CLIP4: variants seen among roughly 807,000 people sequenced by gnomAD.
CLIP4 encodes CAP-Gly domain containing linker protein family member 4.
In CLIP4, 47 loss-of-function variants were observed where a neutral mutation model predicts 73.1. That is an observed-to-expected ratio of 0.64 (90% CI 0.51 to 0.82). CLIP4 has a LOEUF of 0.82. CLIP4 is among the 40% of genes least tolerant of loss of function. The pLI is 0.00. For missense variants in CLIP4, 874 were observed against 852.9 expected, an observed-to-expected ratio of 1.02 and a Z score of -0.31; for synonymous variants, 306 against 295.4, an observed-to-expected ratio of 1.04 and a Z score of -0.37.
Position 29,133,816 on chromosome 2 carries a change from G to T in CLIP4, c.529G>T (p.Asp177Tyr). Residue 177 changes from aspartate to tyrosine, a missense_variant and splice_region_variant, in exon 5 of 16, where the codon GAT becomes TAT. Coordinates refer to ENST00000320081, the MANE Select transcript of CLIP4 (RefSeq NM_024692.6). ...GATTTTGAAAACATCGAAACCAAAA[G>T]GCAAGTATTATAAGATCACCTTTAG... is the stretch of plus-strand genomic sequence containing the variant. ...RVILKTSKPK[D>Y]VDATCSDFNF... 1 of 1,599,814 alleles carries T rather than the reference G, an allele frequency of 6.3e-7. No individual in the cohort carries two copies.
intron 13 of CLIP4, among the ~76,000 whole-genome samples, chr2:29,165,972 CTTCA>C (rs894508588): frequency 1.3e-4 from 11 of 87,620 alleles, no homozygotes; most frequent in African/African-American, 4.4e-4. Context: ...GCCCCCTCTT[CTTCA>C]AAAAAAAAAA....
intron 8 of CLIP4, 97 bp from the exon 9 acceptor site, chr2:29,152,588 G>T: frequency 1.5e-6 from 2 of 1,308,054 alleles, no homozygotes; most frequent in African/African-American, 1.5e-5. Context: ...GGCACTAAAG[G>T]TTTATATTAA....
intron 6 of CLIP4, among the ~76,000 whole-genome samples, chr2:29,136,761 G>A (rs1665394081): frequency 6.6e-6 from 1 of 152,186 alleles, no homozygotes; most frequent in East Asian, 1.9e-4. Flanking sequence ...AAGCCTAGGA[G>A]ATGATCATTC....
intron 6 of CLIP4, among the ~76,000 whole-genome samples, chr2:29,138,645 G>A (rs1392974046): frequency 6.6e-6 from 1 of 152,088 alleles, no homozygotes; most frequent in East Asian, 1.9e-4. Flanking sequence ...CCATGAGCAT[G>A]GAGTGTTTTT....
intron 11 of CLIP4, among the ~76,000 whole-genome samples, chr2:29,157,732 C>T (rs1425414761): frequency 6.6e-6 from 1 of 152,202 alleles, no homozygotes; most frequent in Non-Finnish European, 1.5e-5. Flanking sequence ...ATGGCAATAC[C>T]AGCCAGTTTT....
chr2:29,117,795 T>G (rs1300305054), intron 1 of CLIP4, among the ~76,000 whole-genome samples: 2 of 152,234 alleles, frequency 1.3e-5, no homozygotes, highest in African/African-American at 2.4e-5. Flanking sequence ...CTTTCAACTT[T>G]CTGGTAGGAA....
At chr2:29,160,568 A>T in intron 12 of CLIP4, 101 bp downstream of exon 12, 1 of 1,389,498 alleles carries the variant, frequency 7.2e-7, no homozygotes, top group South Asian at 1.4e-5. Context: ...ATCTTGATGA[A>T]CAGTTTTTGT....
chr2:29,125,032 T>C (rs1011232704), intron 2 of CLIP4, among the ~76,000 whole-genome samples: 13 of 152,226 alleles, frequency 8.5e-5, no homozygotes, highest in Admixed American at 4.6e-4. Flanking sequence ...TTGAACTTTG[T>C]TCTGGGATAC....
chr2:29,157,270 C>G lies in CLIP4; in HGVS notation c.1322C>G (p.Pro441Arg). The change falls in exon 11 of 16, where the codon CCC (proline) becomes CGC (arginine). Residue 441 changes from proline (P) to arginine (R), a missense_variant. By Grantham distance (103) the Pro-to-Arg change is moderately radical. Coordinates refer to ENST00000320081, the MANE Select transcript of CLIP4 (RefSeq NM_024692.6). Reference protein sequence around the residue: ...TSSLEHRQSYPKKQNAISSNK... With the variant: ...TSSLEHRQSYRKKQNAISSNK... ...TCTTTGGAACACAGACAGAGCTACC[C>G]CAAGAAACAGAATGCAATCAGCAGT... 2 of 1,614,052 alleles carry G rather than the reference C, an allele frequency of 1.2e-6. No homozygotes were observed. The highest frequency in any genetic ancestry group is 1.3e-5 in the African/African-American group (1 of 75,024).
At chr2:29,118,840 A>AT (rs1425488108) in intron 1 of CLIP4, among the ~76,000 whole-genome samples, 1 of 152,028 alleles carries the variant, frequency 6.6e-6, no homozygotes, top group Non-Finnish European at 1.5e-5. Context: ...ATATATATAT[A>AT]TTTTTAACCT....
intron 1 of CLIP4, among the ~76,000 whole-genome samples, chr2:29,101,303 A>C (rs372865867): frequency 0.026 from 3,931 of 148,606 alleles, 159 homozygotes; most frequent in East Asian, 0.081. Flanking sequence ...CCCAAAACAA[A>C]AAAAAAAAGA....
intron 1 of CLIP4, among the ~76,000 whole-genome samples, chr2:29,098,432 C>T (rs1473870071): frequency 2.6e-5 from 4 of 152,234 alleles, no homozygotes; most frequent in African/African-American, 9.6e-5. Context: ...CCAGCCCTGA[C>T]AACCACTGAT....
intron 15 of CLIP4, among the ~76,000 whole-genome samples, chr2:29,175,974 G>A (rs1573044990): frequency 6.6e-6 from 1 of 152,174 alleles, no homozygotes; most frequent in South Asian, 2.1e-4. Context: ...TGTTAGCCAG[G>A]ATGGTCTCGA....
intron 1 of CLIP4, among the ~76,000 whole-genome samples, chr2:29,100,111 T>G (rs1462661107): frequency 6.6e-6 from 1 of 152,066 alleles, no homozygotes; most frequent in Admixed American, 6.5e-5. Context: ...TATTTTTTTG[T>G]AGAGACAGGG....
intron 13 of CLIP4, among the ~76,000 whole-genome samples, chr2:29,165,334 G>A (rs912269369): frequency 6.6e-6 from 1 of 152,026 alleles, no homozygotes; most frequent in African/African-American, 2.4e-5. Context: ...ATACATGCTG[G>A]GGTCTGTTTG....
At chr2:29,142,838 G>A (rs183192238) in intron 6 of CLIP4, among the ~76,000 whole-genome samples, 18 of 152,256 alleles carry the variant, frequency 1.2e-4, no homozygotes, top group Non-Finnish European at 2.1e-4. Flanking sequence ...TGAAGTCTAA[G>A]GTTTTTGGTT....
intron 6 of CLIP4, among the ~76,000 whole-genome samples, chr2:29,137,409 T>C (rs1665446437): frequency 6.6e-6 from 1 of 152,220 alleles, no homozygotes; most frequent in South Asian, 2.1e-4. Flanking sequence ...CGCATTTTCT[T>C]TATCCAGTCC....
At chr2:29,102,474 T>G (rs2148431959) in intron 1 of CLIP4, among the ~76,000 whole-genome samples, 1 of 152,274 alleles carries the variant, frequency 6.6e-6, no homozygotes, top group African/African-American at 2.4e-5. Flanking sequence ...GGTTGCCCAC[T>G]TGACTGCAAG....
chr2:29,170,239 A>G (rs912665821), intron 14 of CLIP4, among the ~76,000 whole-genome samples: 6 of 152,140 alleles, frequency 3.9e-5, no homozygotes, highest in South Asian at 2.1e-4. Context: ...TATCTCTTCA[A>G]TGTACTGATT....
Sources: gnomAD v4.1 joint callset for allele counts (sites outside exome capture counted in the v4.1 genomes callset) on GRCh38, gnomAD v4.1.1 for gene constraint, MANE v1.5 for transcripts, NCBI Gene and HGNC (gene_info 2026-07-23, HGNC 2026-07-21) for gene names.